Variants in LYG1 observed in about 807,000 individuals in gnomAD.
The protein encoded by LYG1 is lysozyme g1.
A neutral mutation model predicts 21.7 loss-of-function variants in LYG1; 17 were observed. That is an observed-to-expected ratio of 0.78 (90% CI 0.54 to 1.18). The LOEUF (loss-of-function observed/expected upper bound fraction) is 1.18. Among genes scored for constraint, LYG1 ranks in the 50% most tolerant of loss-of-function variants. The pLI, the probability that LYG1 is intolerant of heterozygous loss-of-function variation, is 0.00. For synonymous variants in LYG1, 81 were observed against 87.4 expected (o/e 0.93, Z 0.41); for missense variants, 211 against 238.1 (o/e 0.89, Z 0.75).
At chr2:99,302,662 T>C (rs182036396), upstream of LYG1, among the ~76,000 whole-genome samples, 67 of 152,246 alleles carry the variant, frequency 4.4e-4, no homozygotes, top group Admixed American at 4.1e-3. Context: ...ATTTAAAGCG[T>C]ATTTATGACT....
chr2:99,291,068 C>T (rs1245844011), intron 5 of LYG1, among the ~76,000 whole-genome samples, 169 bp downstream of exon 5: 1 of 152,208 alleles, frequency 6.6e-6, no homozygotes, highest in Non-Finnish European at 1.5e-5. Flanking sequence ...TGTGGCTCAA[C>T]ATGAAACAGA....
chr2:99,295,155 C>T (rs938264667), intron 3 of LYG1, among the ~76,000 whole-genome samples: 3 of 152,010 alleles, frequency 2.0e-5, no homozygotes, highest in African/African-American at 7.2e-5. Context: ...TCCCTTTTTC[C>T]TCCAGCTGCA....
At chr2:99,294,166 G>A (rs925289747) in intron 3 of LYG1, among the ~76,000 whole-genome samples, 6 of 152,080 alleles carry the variant, frequency 3.9e-5, no homozygotes, top group Admixed American at 1.3e-4. Context: ...TGCCCGCCTC[G>A]ACCTCCCAAA....
At chr2:99,300,160 C>T (rs558881486) in intron 1 of LYG1, among the ~76,000 whole-genome samples, 251 of 152,046 alleles carry the variant, frequency 1.7e-3, no homozygotes, top group Middle Eastern at 3.4e-3. Flanking sequence ...TAAGCTGTTA[C>T]GCTGCGTAGA....
intron 5 of LYG1, among the ~76,000 whole-genome samples, chr2:99,285,595 GGA>G (rs2105288296): frequency 6.6e-6 from 1 of 152,240 alleles, no homozygotes; most frequent in South Asian, 2.1e-4. Flanking sequence ...TGTGCATCCC[GGA>G]GACCCTGAAA....
intron 5 of LYG1, among the ~76,000 whole-genome samples, chr2:99,290,743 C>T (rs1269591620): frequency 6.6e-6 from 1 of 152,180 alleles, no homozygotes; most frequent in Non-Finnish European, 1.5e-5. Flanking sequence ...ACTCAATCTT[C>T]AGAACTAAGA....
rs1361377418 is a variant in LYG1, at chr2:99,284,477, A to G, written c.501T>C (p.Tyr167=). The G allele has an allele frequency of 1.9e-6, 3 of 1,614,232 alleles. No homozygotes were observed. The highest frequency in any genetic ancestry group is 4.5e-5 in the East Asian group (2 of 44,894). The change falls in exon 7 of 7, where the codon TAT becomes TAC. Residue 167 remains tyrosine, a synonymous_variant. Coordinates refer to ENST00000308528, the MANE Select transcript of LYG1 (RefSeq NM_174898.3). Reference sequence around the variant, plus strand: ...AGCTCAGGTCCTGGCTGCTTCGGACATAGCCAGCACCCCCACTGTAGGCAC... The same window carrying G: ...AGCTCAGGTCCTGGCTGCTTCGGACGTAGCCAGCACCCCCACTGTAGGCAC... The part of the protein sequence containing the change: ...GLCAYSGGAG[Y]VRSSQDLSCD...
At chr2:99,296,937 G>C (rs767492046) in intron 2 of LYG1, among the ~76,000 whole-genome samples, 4 of 152,120 alleles carry the variant, frequency 2.6e-5, no homozygotes, top group Non-Finnish European at 4.4e-5. Flanking sequence ...AGGACTGCTT[G>C]AGCCCAGAGG....
chr2:99,295,819 G>T, intron 2 of LYG1, 117 bp from the exon 3 acceptor site: 1 of 966,606 alleles, frequency 1.0e-6, no homozygotes, highest in South Asian at 1.5e-5. Flanking sequence ...TCTGACCTAA[G>T]AAAATGAATT....
intron 5 of LYG1, among the ~76,000 whole-genome samples, chr2:99,287,272 GA>G (rs1001131638): frequency 1.3e-5 from 2 of 152,158 alleles, no homozygotes; most frequent in African/African-American, 2.4e-5. Flanking sequence ...AACTAACACA[GA>G]AACAGAAAAC....
intron 5 of LYG1, among the ~76,000 whole-genome samples, chr2:99,287,795 T>C (rs1013588279): frequency 6.6e-6 from 1 of 152,176 alleles, no homozygotes; most frequent in Non-Finnish European, 1.5e-5. Flanking sequence ...AATTGTATTA[T>C]TGTGATATCT....
intron 2 of LYG1, among the ~76,000 whole-genome samples, chr2:99,296,623 C>T (rs1459834301): frequency 6.6e-6 from 1 of 152,182 alleles, no homozygotes; most frequent in Admixed American, 6.5e-5. Flanking sequence ...TCCAAAGCGC[C>T]TCCCACCAAG....
intron 5 of LYG1, among the ~76,000 whole-genome samples, chr2:99,287,728 T>C (rs917938084): frequency 2.0e-5 from 3 of 152,172 alleles, no homozygotes; most frequent in African/African-American, 7.2e-5. Flanking sequence ...TGTGCATGTA[T>C]TTTAAATTTC....
chr2:99,296,530 T>G (rs2094136986), intron 2 of LYG1, among the ~76,000 whole-genome samples: 1 of 152,154 alleles, frequency 6.6e-6, no homozygotes. Flanking sequence ...GTTCTCCTAC[T>G]GGCTACCAAA....
intron 5 of LYG1, among the ~76,000 whole-genome samples, chr2:99,290,929 G>T (rs749956407): frequency 1.3e-5 from 2 of 152,138 alleles, no homozygotes; most frequent in Non-Finnish European, 2.9e-5. Flanking sequence ...AAGGCCATGT[G>T]GCTACAAAGT....
upstream of LYG1, among the ~76,000 whole-genome samples, chr2:99,303,909 C>T (rs1412638894): frequency 1.3e-5 from 2 of 151,740 alleles, no homozygotes; most frequent in Non-Finnish European, 2.9e-5. Context: ...CGGTGGCTCA[C>T]GCCTGTAATC....
At position 99,299,430 on chromosome 2, in the gene LYG1, AT is replaced by A. The variant is rs879585259; in HGVS notation, c.-123-882del. ...CTCTTTAATTTTTAAAATTGTTTTA[AT>A]TTTTTTTTTTTCAAAACATAGTCTG... On this transcript the variant is annotated intron_variant, in intron 1 of 6. Coordinates refer to ENST00000308528, the MANE Select transcript of LYG1 (RefSeq NM_174898.3). Among the ~76,000 whole-genome samples, 638 of 140,752 alleles carry A rather than the reference AT, an allele frequency of 4.5e-3. 4 individuals carry two copies. The highest frequency in any genetic ancestry group is 0.015 in the African/African-American group (594 of 38,476). 92.3% of individuals were successfully genotyped at this position (140,752 alleles called of 152,430 possible). A position where few individuals can be genotyped will look rare whatever the true frequency, so the allele number is the denominator to read the frequency against.
chr2:99,292,486 A>C, intron 4 of LYG1, 50 bp downstream of exon 4: 1 of 1,373,394 alleles, frequency 7.3e-7, no homozygotes, highest in Admixed American at 1.7e-5. Flanking sequence ...GAGGCATGGG[A>C]AACAGTGAAA....
intron 5 of LYG1, among the ~76,000 whole-genome samples, chr2:99,286,062 T>C (rs201795697): frequency 1.6e-4 from 25 of 151,984 alleles, no homozygotes; most frequent in African/African-American, 6.0e-4. Context: ...GGCTGGTGGC[T>C]TTATAAGAAG....
Sources: allele counts gnomAD v4.1 joint callset (sites outside exome capture counted in the v4.1 genomes callset), GRCh38; gene constraint gnomAD v4.1.1; transcripts MANE v1.5; gene names NCBI Gene and HGNC (gene_info 2026-07-23, HGNC 2026-07-21).